The following PPM1D variants were observed in gnomAD, a reference collection of about 807,000 sequenced individuals.
The protein encoded by PPM1D is protein phosphatase, Mg2+/Mn2+ dependent 1D.
In PPM1D, 52 loss-of-function variants were observed where a neutral mutation model predicts 58.3. The ratio of observed to expected loss-of-function variants is 0.89; its 90% CI spans 0.71 to 1.12. PPM1D has a LOEUF of 1.12. PPM1D is among the 50% of genes most tolerant of loss of function. PPM1D has a pLI of 0.00. For missense variants in PPM1D, 564 were observed against 777.2 expected (o/e 0.73, Z 3.26); for synonymous variants, 278 against 285.1 (o/e 0.98, Z 0.25).
At chr17:60,608,328 T>C (rs1041702143) in intron 1 of PPM1D, among the ~76,000 whole-genome samples, 1 of 152,146 alleles carries the variant, frequency 6.6e-6, no homozygotes, top group African/African-American at 2.4e-5. Context: ...AGATGTAAAA[T>C]GATTAAACAA....
At chr17:60,662,849 A>T (rs1398671470) in intron 5 of PPM1D, 146 bp from the exon 6 acceptor site, 1 of 688,090 alleles carries the variant, frequency 1.5e-6, no homozygotes, top group Non-Finnish European at 2.5e-6. Flanking sequence ...CACATAGTTC[A>T]GTAAATAGAA....
chr17:60,658,927 T>C (rs543059128), intron 5 of PPM1D, among the ~76,000 whole-genome samples: 1 of 152,156 alleles, frequency 6.6e-6, no homozygotes, highest in Non-Finnish European at 1.5e-5. Context: ...GTTGCAGCAC[T>C]CCAGCCTGCT....
chr17:60,610,360 C>T (rs896344208), intron 1 of PPM1D, among the ~76,000 whole-genome samples: 10 of 152,082 alleles, frequency 6.6e-5, no homozygotes, highest in Non-Finnish European at 1.5e-4. Context: ...ATGATTTCTT[C>T]ATGTTGACAC....
At chr17:60,658,718 C>T (rs2031481790) in intron 5 of PPM1D, among the ~76,000 whole-genome samples, 1 of 151,648 alleles carries the variant, frequency 6.6e-6, no homozygotes, top group Admixed American at 6.6e-5. Context: ...AATCCCAGCA[C>T]TTTGGGAGGC....
Position 60,632,119 on chromosome 17 carries a change from G to A in PPM1D, c.702-1734G>A, listed in dbSNP as rs567956622. ...TGAGGCAGGAGAATGGCATGAACCC[G>A]GGAGGCGGAGCTTGCAGTGAGCTGA... On this transcript the variant is annotated intron_variant, in intron 2 of 5. Coordinates refer to ENST00000305921, the MANE Select transcript of PPM1D (RefSeq NM_003620.4). Among the ~76,000 whole-genome samples the A allele has an allele frequency of 9.2e-5, 14 of 151,922 alleles. No individual in the cohort carries two copies. The East Asian group carries it at 1.9e-3, about 21-fold the overall frequency.
chr17:60,656,961 G>A, intron 5 of PPM1D, 120 bp downstream of exon 5: 1 of 1,587,530 alleles, frequency 6.3e-7, no homozygotes, highest in South Asian at 1.1e-5. Context: ...ATTCAAGAAA[G>A]TGATGTAACT....
chr17:60,643,160 G>A (rs1053277592), intron 3 of PPM1D, among the ~76,000 whole-genome samples: 1 of 151,886 alleles, frequency 6.6e-6, no homozygotes, highest in African/African-American at 2.4e-5. Context: ...TGGGTGGATC[G>A]CTTGAGCTCA....
intron 2 of PPM1D, 49 bp from the exon 3 acceptor site, chr17:60,633,801 AGTT>A (rs958704084): frequency 8.3e-5 from 121 of 1,464,364 alleles, no homozygotes; most frequent in African/African-American, 4.3e-4. Flanking sequence ...GAGCTATCTT[AGTT>A]GTTGTATTTT....
rs562867694 is a variant in PPM1D at position 60,666,188 on chromosome 17, T to A, written c.*2636T>A. ...TTGGTAATAGCATTAATGAACAATG[T>A]TATTTTCATCTTCCAGACATCTGGA... On this transcript the variant is annotated 3_prime_UTR_variant, in exon 6 of 6. Coordinates refer to ENST00000305921, the MANE Select transcript of PPM1D (RefSeq NM_003620.4). The A allele has an allele frequency of 7.2e-5, 11 of 152,328 alleles. No homozygotes were observed. The South Asian group carries it at 2.3e-3, about 32-fold the overall frequency. 9.4% of individuals were successfully genotyped at this position (152,328 alleles called of 1,614,324 possible). A position where few individuals can be genotyped will look rare whatever the true frequency, so the allele number is the denominator to read the frequency against.
chr17:60,603,227 T>C (rs2030257875), intron 1 of PPM1D, among the ~76,000 whole-genome samples: 1 of 152,160 alleles, frequency 6.6e-6, no homozygotes, highest in African/African-American at 2.4e-5. Flanking sequence ...CTCAAACTTT[T>C]TGCTCTCAGA....
At position 60,600,413 on chromosome 17, in the gene PPM1D, C is replaced by T. The variant is rs1194782211; in HGVS notation, c.-2C>T. 2 of 1,545,328 alleles carry T rather than the reference C, an allele frequency of 1.3e-6. No homozygotes were observed. The highest frequency in any genetic ancestry group is 1.7e-6 in the Non-Finnish European group (2 of 1,145,842). On this transcript the variant is annotated 5_prime_UTR_variant, in exon 1 of 6. Coordinates refer to ENST00000305921, the MANE Select transcript of PPM1D (RefSeq NM_003620.4). The stretch of plus-strand genomic sequence containing the variant: ...GACCGGCGGGATCCCGGCCAGCCGG[C>T]CATGGCGGGGCTGTACTCGCTGGGA...
chr17:60,663,558 A>G lies in PPM1D; in HGVS notation c.*6A>G, dbSNP rs2031570309. On this transcript the variant is annotated 3_prime_UTR_variant, in exon 6 of 6. Coordinates refer to ENST00000305921, the MANE Select transcript of PPM1D (RefSeq NM_003620.4). ...AAACTGTTTGTGTTTGCTGAAATGC[A>G]TCTGGGAAATGAGGTTTTTCCAAAC... 4 of 1,599,106 alleles carry G rather than the reference A, an allele frequency of 2.5e-6. No individual in the cohort carries two copies. Among genetic ancestry groups the G allele is most frequent in the East Asian group, 2.2e-5 (1 of 44,746 alleles).
chr17:60,633,801 A>G (rs2030973538), intron 2 of PPM1D, 52 bp from the exon 3 acceptor site: 5 of 1,464,248 alleles, frequency 3.4e-6, no homozygotes, highest in Non-Finnish European at 4.7e-6. Flanking sequence ...GAGCTATCTT[A>G]GTTGTTGTAT....
chr17:60,631,069 A>T (rs1271649864), intron 2 of PPM1D, among the ~76,000 whole-genome samples: 1 of 152,250 alleles, frequency 6.6e-6, no homozygotes, highest in Admixed American at 6.5e-5. Flanking sequence ...TTGGCTGGGC[A>T]TGGTGGCTCA....
At chr17:60,637,348 T>C (rs1406619446) in intron 3 of PPM1D, among the ~76,000 whole-genome samples, 2 of 152,152 alleles carry the variant, frequency 1.3e-5, no homozygotes, top group Non-Finnish European at 1.5e-5. Flanking sequence ...TCAAGTGATC[T>C]ACCCACTTCG....
chr17:60,628,651 GTA>G (rs1340731469), intron 2 of PPM1D, among the ~76,000 whole-genome samples: 1 of 151,936 alleles, frequency 6.6e-6, no homozygotes, highest in Non-Finnish European at 1.5e-5. Flanking sequence ...TTTATTGTTT[GTA>G]ATATACTAGG....
At chr17:60,621,765 G>A (rs746762906) in intron 1 of PPM1D, among the ~76,000 whole-genome samples, 5 of 149,310 alleles carry the variant, frequency 3.3e-5, no homozygotes, top group Non-Finnish European at 7.4e-5. Flanking sequence ...AGTAGAAACG[G>A]GGTTTCACCA....
At chr17:60,624,244 A>T (rs1413731055) in intron 2 of PPM1D, among the ~76,000 whole-genome samples, 4 of 152,208 alleles carry the variant, frequency 2.6e-5, no homozygotes, top group African/African-American at 9.7e-5. Flanking sequence ...TCAATTTTAT[A>T]TTTTTATGAT....
chr17:60,645,650 A>ATG, intron 3 of PPM1D, among the ~76,000 whole-genome samples: 1 of 140,222 alleles, frequency 7.1e-6, no homozygotes, highest in East Asian at 2.1e-4. Flanking sequence ...GTGTGTGTAT[A>ATG]TATATATATA....
Sources: gnomAD v4.1 joint callset for allele counts (sites outside exome capture counted in the v4.1 genomes callset) on GRCh38, gnomAD v4.1.1 for gene constraint, MANE v1.5 for transcripts, NCBI Gene and HGNC (gene_info 2026-07-23, HGNC 2026-07-21) for gene names.